The following SYNE1 variants were observed in gnomAD, a reference collection of about 807,000 sequenced individuals.
The protein encoded by SYNE1 is nesprin-1.
SYNE1 carries 616 observed loss-of-function variants against 1,111.0 expected under a neutral mutation model. The ratio of observed to expected loss-of-function variants is 0.55; its 90% confidence interval spans 0.52 to 0.59. SYNE1 has a LOEUF of 0.59. Ranked by LOEUF, SYNE1 falls within the 20% of genes least tolerant of loss-of-function variation. SYNE1 has a pLI of 0.00. For synonymous variants in SYNE1, 3,855 were observed against 3,825.8 expected (o/e 1.01, Z -0.28); for missense variants, 10,006 against 10,417.0 (o/e 0.96, Z 1.72).
chr6:152,554,394 G>T (rs1259425350), intron 3 of SYNE1, among the ~76,000 whole-genome samples: 1 of 151,360 alleles, frequency 6.6e-6, no homozygotes, highest in African/African-American at 2.4e-5. Flanking sequence ...ATTTCAAAAT[G>T]AACAAAGTGT....
At chr6:152,455,347 A>C in intron 24 of SYNE1, 79 bp downstream of exon 24, 12 of 1,450,268 alleles carry the variant, frequency 8.3e-6, no homozygotes, top group African/African-American at 1.4e-5. Flanking sequence ...GTATCAGATC[A>C]GCATGCCTTT....
chr6:152,351,401 G>A lies in SYNE1; in HGVS notation c.11580+626C>T, dbSNP rs958418092. Among the ~76,000 whole-genome samples the A allele has an allele frequency of 3.3e-5, 5 of 152,266 alleles. 1 individual carries two copies. In the East Asian group the frequency reaches 7.7e-4, roughly 23 times the overall value. On this transcript the variant is annotated intron_variant, in intron 70 of 145. Coordinates refer to ENST00000367255, the MANE Select transcript of SYNE1 (RefSeq NM_182961.4). ...AGCCAGCACACTGTAATCCTTAAAA[G>A]GTATCACTCAATCATCCAGATCAAA...
intron 115 of SYNE1, among the ~76,000 whole-genome samples, chr6:152,229,735 A>C (rs2082336630): frequency 6.6e-6 from 1 of 152,172 alleles, no homozygotes; most frequent in Non-Finnish European, 1.5e-5. Flanking sequence ...TTATGGTCTT[A>C]AAAAAATATT....
chr6:152,196,843 G>A (rs1226377312), intron 127 of SYNE1, among the ~76,000 whole-genome samples: 1 of 152,022 alleles, frequency 6.6e-6, no homozygotes, highest in Non-Finnish European at 1.5e-5. Flanking sequence ...ACTGCACTAG[G>A]ACCCACCTAG....
rs147040672 is a variant in SYNE1 at position 152,391,330 on chromosome 6, C to T, written c.7951G>A (p.Glu2651Lys). The T allele has an allele frequency of 1.2e-5, 20 of 1,614,126 alleles. No homozygotes were observed. Among genetic ancestry groups the T allele is most frequent in the Non-Finnish European group, 1.6e-5 (19 of 1,180,004 alleles). Reference sequence around the variant, plus strand: ...GTGTCTTTGCTCCCAAGAGTGCTCTCTGCACAGGCCAGTCTGTCCTGAATG... The same window carrying T: ...GTGTCTTTGCTCCCAAGAGTGCTCTTTGCACAGGCCAGTCTGTCCTGAATG... ...KAIQDRLACA[E>K]STLGSKDTLE... Residue 2651 changes from glutamate to lysine, a missense_variant, in exon 52 of 146, where the codon GAG (glutamate) becomes AAG (lysine). This residue lies in a region of SYNE1 where 4,955 missense variants were observed against 5,017.2 expected (regional missense o/e 0.99). Transcript: ENST00000367255.
At chr6:152,380,311 T>C (rs1186451655) in intron 56 of SYNE1, among the ~76,000 whole-genome samples, 1 of 152,114 alleles carries the variant, frequency 6.6e-6, no homozygotes, top group East Asian at 1.9e-4. Context: ...ATTATAAAAC[T>C]GGAAATATTG....
At chr6:152,558,669 C>T (rs1442067011) in intron 3 of SYNE1, among the ~76,000 whole-genome samples, 1 of 152,156 alleles carries the variant, frequency 6.6e-6, no homozygotes, top group Non-Finnish European at 1.5e-5. Flanking sequence ...ATTTACCCAA[C>T]ATCGGAGCAC....
chr6:152,461,707 G>C lies in SYNE1; in HGVS notation c.2284C>G (p.Gln762Glu), dbSNP rs368772971. Residue 762 changes from glutamine to glutamate, a missense_variant, in exon 21 of 146, where the codon CAA becomes GAA. Gln to Glu is a conservative substitution (Grantham distance 29, BLOSUM62 2). Around this residue, in one of 7 missense-constraint regions of SYNE1, gnomAD observed 1,971 missense variants for 2,084.1 expected, o/e 0.95. Transcript: ENST00000367255. ...IEQRVPVMDA[Q>E]YKIITKTAHL... Reference sequence around the variant, plus strand: ...GCTGTCTTTGTAATTATCTTGTATTGGGCATCCATCACAGGCACCCTCTGC... The same window carrying C: ...GCTGTCTTTGTAATTATCTTGTATTCGGCATCCATCACAGGCACCCTCTGC... The C allele has an allele frequency of 6.2e-7, 1 of 1,613,770 alleles. No homozygotes were observed.
chr6:152,359,552 A>G, intron 64 of SYNE1, 94 bp from the exon 65 acceptor site: 1 of 1,509,220 alleles, frequency 6.6e-7, no homozygotes, highest in Non-Finnish European at 9.1e-7. Context: ...TACAGTTGAC[A>G]AGTGACCTCA....
intron 46 of SYNE1, 93 bp downstream of exon 46, chr6:152,404,116 TACAC>T (rs1554635551): frequency 5.5e-4 from 339 of 615,384 alleles, no homozygotes; most frequent in Middle Eastern, 2.0e-3. Context: ...TATATATATA[TACAC>T]ACACACACAC....
At chr6:152,277,976 A>T in intron 98 of SYNE1, 113 bp downstream of exon 98, 1 of 1,099,530 alleles carries the variant, frequency 9.1e-7, no homozygotes, top group Non-Finnish European at 1.4e-6. Flanking sequence ...TAAAGCAGGT[A>T]CACACACAAG....
chr6:152,537,915 T>C (rs1392871447), intron 4 of SYNE1, among the ~76,000 whole-genome samples: 2 of 152,172 alleles, frequency 1.3e-5, no homozygotes, highest in Admixed American at 1.3e-4. Flanking sequence ...AAGCTATATT[T>C]GGAAATGGTA....
At chr6:152,514,420 T>G (rs1281878817) in intron 6 of SYNE1, among the ~76,000 whole-genome samples, 1 of 150,994 alleles carries the variant, frequency 6.6e-6, no homozygotes, top group Non-Finnish European at 1.5e-5. Flanking sequence ...TAAGTGGGAG[T>G]TGAACAATGA....
intron 133 of SYNE1, 36 bp from the exon 134 acceptor site, chr6:152,152,177 C>G (rs1331859138): frequency 1.3e-6 from 2 of 1,593,278 alleles, no homozygotes; most frequent in Non-Finnish European, 1.7e-6. Context: ...TGTGAGAAAT[C>G]AGCGAAGGAC....
At chr6:152,462,092 C>A (rs570497877) in intron 20 of SYNE1, among the ~76,000 whole-genome samples, 53 of 108,434 alleles carry the variant, frequency 4.9e-4, no homozygotes, top group African/African-American at 2.6e-3. Flanking sequence ...GACTGGTTTT[C>A]GTTAAAAAAA....
intron 131 of SYNE1, among the ~76,000 whole-genome samples, chr6:152,160,931 T>C (rs1262418169): frequency 6.6e-6 from 1 of 152,028 alleles, no homozygotes; most frequent in Non-Finnish European, 1.5e-5. Flanking sequence ...TTTTTCATTT[T>C]AGATATATAT....
chr6:152,152,039 G>A lies in SYNE1; in HGVS notation c.24232C>T (p.Leu8078Phe). The change falls in exon 134 of 146, where the codon CTC becomes TTC. Residue 8078 changes from leucine (L) to phenylalanine (F), a missense_variant. Physicochemically the swap from Leu to Phe is conservative, Grantham distance 22. Transcript: ENST00000367255. ...TTGCCTTCGTGAACCATCTGTTTGA[G>A]GCTACATGCTGAATCAGTGCGGTTC... ...RENRTDSACS[L>F]KQMVHEGNQR... is the part of the protein sequence containing the mutation. The A allele has an allele frequency of 6.2e-7, 1 of 1,614,186 alleles. No homozygotes were observed.
chr6:152,379,286 T>C (rs555016743), intron 56 of SYNE1, among the ~76,000 whole-genome samples: 1 of 152,154 alleles, frequency 6.6e-6, no homozygotes, highest in South Asian at 2.1e-4. Context: ...TTCCACCTTA[T>C]ACAGCTTAAG....
rs368354453 is a variant in SYNE1 at position 152,300,768 on chromosome 6, C to T, written c.17555G>A (p.Arg5852His). 2.0e-5 allele frequency: 32 copies of T among 1,614,054 alleles called. No individual in the cohort carries two copies. Among genetic ancestry groups the T allele is most frequent in the Admixed American group, 5.0e-5 (3 of 60,002 alleles). The change falls in exon 93 of 146, where the codon CGC becomes CAC. Residue 5852 changes from arginine to histidine, a missense_variant. Coordinates refer to ENST00000367255, the MANE Select transcript of SYNE1 (RefSeq NM_182961.4). ...GACCGGTGACAGCAAAGTGTGACAG[C>T]GACCTGCAGTCATCTGCCACGTAAA... ...HPSVVMMTAGRCHTLLSPVTE... is the reference protein window; with the variant it reads ...HPSVVMMTAGHCHTLLSPVTE...
Sources: gnomAD v4.1 joint callset for allele counts (sites outside exome capture counted in the v4.1 genomes callset) on GRCh38, gnomAD v4.1.1 for gene constraint, gnomAD v4.1.1 regional missense constraint, MANE v1.5 for transcripts, NCBI Gene and HGNC (gene_info 2026-07-23, HGNC 2026-07-21) for gene names.